RAPGEF1: variants seen among roughly 807,000 people sequenced by gnomAD.
RAPGEF1 encodes Rap guanine nucleotide exchange factor 1.
Under a neutral mutation model 143.3 loss-of-function variants are expected in RAPGEF1, and 33 were observed. The observed-to-expected ratio is 0.23, with a 90% CI of 0.17 to 0.31. The LOEUF is 0.31. Among genes scored for constraint, RAPGEF1 ranks in the 10% least tolerant of loss-of-function variants. RAPGEF1 has a pLI of 1.00. For synonymous variants in RAPGEF1, 629 were observed against 676.5 expected, an observed-to-expected ratio of 0.93 and a Z score of 1.09; for missense variants, 1,199 against 1,645.4, an observed-to-expected ratio of 0.73 and a Z score of 4.69.
chr9:131,617,086 T>A (rs182713382), intron 12 of RAPGEF1, among the ~76,000 whole-genome samples: 6 of 152,358 alleles, frequency 3.9e-5, no homozygotes. Context: ...CCAAACTTAA[T>A]TAAAACGTCC....
chr9:131,587,588 A>G, intron 22 of RAPGEF1, 148 bp downstream of exon 22: 1 of 735,060 alleles, frequency 1.4e-6, no homozygotes, highest in Non-Finnish European at 2.3e-6. Flanking sequence ...TCAGCCTGTC[A>G]GTGCTCATGG....
chr9:131,596,258 C>A (rs1955271729), intron 17 of RAPGEF1, 40 bp downstream of exon 17: 1 of 1,601,448 alleles, frequency 6.2e-7, no homozygotes, highest in African/African-American at 1.3e-5. Context: ...GCACCCGGGG[C>A]AGGACCAGCC....
At position 131,584,112 on chromosome 9, in the gene RAPGEF1, C is replaced by A. The variant is rs879575805; in HGVS notation, c.3414+199G>T. On this transcript the variant is annotated intron_variant, in intron 24 of 26. Coordinates refer to ENST00000683357, the MANE Select transcript of RAPGEF1 (RefSeq NM_001377935.1). The surrounding 1 kb of genome is among the most constrained non-coding windows in gnomAD (Gnocchi z 6.8). ...ACCCCAGAACCAACCTCGAAGCTCCCGGGGGCCTGAAGATTGGGGATCAGA... is the reference window on the plus strand; with the variant it reads ...ACCCCAGAACCAACCTCGAAGCTCCAGGGGGCCTGAAGATTGGGGATCAGA... 5.7e-4 allele frequency among the ~76,000 whole-genome samples: 87 copies of A among 152,300 alleles called. No homozygotes were observed. The highest frequency in any genetic ancestry group is 1.9e-3 in the African/African-American group (80 of 41,566).
At chr9:131,608,632 AC>A (rs1957498072) in intron 12 of RAPGEF1, among the ~76,000 whole-genome samples, 1 of 152,202 alleles carries the variant, frequency 6.6e-6, no homozygotes, top group African/African-American at 2.4e-5. Context: ...CTGTGAGCTC[AC>A]GTTCTGGTAT....
In RAPGEF1 at chr9:131,605,136, G is replaced by A; in HGVS notation, c.2114C>T (p.Ala705Val). Residue 705 changes from alanine (A) to valine (V), a missense_variant, in exon 13 of 27, where the codon GCT becomes GTT. Physicochemically the swap from Ala to Val is moderately conservative, Grantham distance 64. Coordinates refer to ENST00000683357, the MANE Select transcript of RAPGEF1 (RefSeq NM_001377935.1). ...YSQDFVPHHQASVPPFLPPTS... is the reference protein window; with the variant it reads ...YSQDFVPHHQVSVPPFLPPTS... ...AGGCGGAAGGAAAGGCGGAACGGAA[G>A]CTTGGTGGTGAGGCACGAAATCCTG... is the stretch of plus-strand genomic sequence containing the variant. 1 of 1,363,030 alleles carries A rather than the reference G, an allele frequency of 7.3e-7. No homozygotes were observed. The highest frequency in any genetic ancestry group is 9.8e-7 in the Non-Finnish European group (1 of 1,020,154). The allele number at this position is 1,363,030 out of a possible 1,614,324, so 84.4% of individuals were successfully genotyped here.
At chr9:131,594,649 C>T (rs964544189) in intron 17 of RAPGEF1, among the ~76,000 whole-genome samples, 2 of 152,238 alleles carry the variant, frequency 1.3e-5, no homozygotes, top group African/African-American at 2.4e-5. Context: ...GGAGCCATGG[C>T]TTCTGCCTCA....
chr9:131,646,458 C>T (rs564277512), intron 3 of RAPGEF1, among the ~76,000 whole-genome samples: 2 of 152,336 alleles, frequency 1.3e-5, no homozygotes, highest in East Asian at 3.9e-4. Context: ...AAATCCCCAT[C>T]GCCTTTCCTG....
chr9:131,605,741 C>T (rs965283277), intron 12 of RAPGEF1, among the ~76,000 whole-genome samples: 1 of 148,254 alleles, frequency 6.7e-6, no homozygotes, highest in Non-Finnish European at 1.5e-5. Context: ...TCTTCCTACC[C>T]CATTTTTTTC....
intron 17 of RAPGEF1, 122 bp from the exon 18 acceptor site, chr9:131,592,305 G>C: frequency 1.3e-6 from 1 of 741,922 alleles, no homozygotes; most frequent in Non-Finnish European, 2.3e-6. Context: ...GAGTGGGATG[G>C]GCGAGGGAGC....
intron 12 of RAPGEF1, 114 bp downstream of exon 12, chr9:131,618,937 C>A: frequency 4.3e-6 from 4 of 931,578 alleles, no homozygotes; most frequent in Non-Finnish European, 4.5e-6. Flanking sequence ...GTGTAGGGAC[C>A]CGCAGAAGGG....
intron 1 of RAPGEF1, among the ~76,000 whole-genome samples, chr9:131,689,726 C>T (rs1001985357): frequency 1.1e-4 from 17 of 151,926 alleles, no homozygotes; most frequent in African/African-American, 3.6e-4. Context: ...TTAGTAGAGA[C>T]GGGGTTTCAC....
chr9:131,638,542 T>C, intron 5 of RAPGEF1, 93 bp downstream of exon 5: 2 of 1,414,066 alleles, frequency 1.4e-6, no homozygotes, highest in East Asian at 2.3e-5. Context: ...ATTCTAATGT[T>C]TGAAGGTCAG....
Position 131,737,387 on chromosome 9 carries a change from A to G in RAPGEF1, c.61+2383T>C, listed in dbSNP as rs763289415. ...CAGTGTCTTCCTCATTCCCGCACTC[A>G]TGACACCCCTCTCTCACCTGTGTCC... On this transcript the variant is annotated intron_variant, in intron 1 of 26. Transcript: ENST00000683357. 8 of 1,613,584 alleles carry G rather than the reference A, an allele frequency of 5.0e-6. No individual in the cohort carries two copies. In the Admixed American group the frequency reaches 1.3e-4, roughly 27 times the overall value.
At chr9:131,684,532 G>A (rs902043435) in intron 1 of RAPGEF1, among the ~76,000 whole-genome samples, 1 of 152,200 alleles carries the variant, frequency 6.6e-6, no homozygotes, top group Non-Finnish European at 1.5e-5. Context: ...AGCAGAAAGG[G>A]GGAAATAGAG....
chr9:131,696,870 T>C (rs1480364469), intron 1 of RAPGEF1, among the ~76,000 whole-genome samples: 6 of 152,244 alleles, frequency 3.9e-5, no homozygotes, highest in Non-Finnish European at 8.8e-5. Context: ...GAAGGTGCTA[T>C]AATAACATTA....
intron 1 of RAPGEF1, among the ~76,000 whole-genome samples, chr9:131,710,219 T>C (rs565773212): frequency 2.0e-5 from 3 of 152,222 alleles, no homozygotes; most frequent in Non-Finnish European, 4.4e-5. Flanking sequence ...ACAAGTACTG[T>C]CAGAGAAAAC....
chr9:131,589,836 A>G (rs1407123022), intron 19 of RAPGEF1, 50 bp downstream of exon 19: 1 of 1,523,724 alleles, frequency 6.6e-7, no homozygotes, highest in Non-Finnish European at 9.1e-7. Context: ...GGTGGAATGG[A>G]GCCTTTGCCT....
chr9:131,727,028 A>G (rs1242329623), intron 1 of RAPGEF1, among the ~76,000 whole-genome samples: 1 of 152,126 alleles, frequency 6.6e-6, no homozygotes, highest in African/African-American at 2.4e-5. Context: ...ATACAACTGT[A>G]TATCCCCAAA....
Position 131,596,226 on chromosome 9 carries a change from G to C in RAPGEF1, c.2689+72C>G, listed in dbSNP as rs1396887354. ...GGCTGTGGCTGCCAGGAGGGGACAG[G>C]ATAGCGGTGGGAGGCCGAGTGGCAC... On this transcript the variant is annotated intron_variant, in intron 17 of 26. Transcript: ENST00000683357. 3 of 1,416,272 alleles carry C rather than the reference G, an allele frequency of 2.1e-6. No homozygotes were observed. In the African/African-American group the frequency reaches 4.2e-5, roughly 20 times the overall value. The allele number at this position is 1,416,272 out of a possible 1,614,324, so 87.7% of individuals were successfully genotyped here.
Sources: gnomAD v4.1 joint callset for allele counts (sites outside exome capture counted in the v4.1 genomes callset) on GRCh38, gnomAD v4.1.1 for gene constraint, Gnocchi (gnomAD v3.1) non-coding constraint, MANE v1.5 for transcripts, NCBI Gene and HGNC (gene_info 2026-07-23, HGNC 2026-07-21) for gene names.